Variants in BEND5 observed in about 807,000 individuals in gnomAD.
BEND5 encodes the protein BEN domain-containing protein 5.
In BEND5, 22 loss-of-function variants were observed where a neutral mutation model predicts 43.9. That is an observed-to-expected ratio of 0.50 (90% CI 0.36 to 0.72). The LOEUF is 0.72. Ranked by LOEUF, BEND5 falls within the 30% of genes least tolerant of loss-of-function variation. The pLI is 0.00. For missense variants in BEND5, 428 were observed against 550.6 expected, an observed-to-expected ratio of 0.78 and a Z score of 2.23; for synonymous variants, 228 against 225.9, an observed-to-expected ratio of 1.01 and a Z score of -0.08.
chr1:48,728,008 CCA>C lies in BEND5; in HGVS notation c.1142_1143del (p.Val381GlyfsTer2). 6.2e-7 allele frequency: 1 copy of C among 1,611,866 alleles called. No homozygotes were observed. Among genetic ancestry groups the C allele is most frequent in the African/African-American group, 1.3e-5 (1 of 74,970 alleles). On this transcript the variant is annotated frameshift_variant, in exon 6 of 6. Coordinates refer to ENST00000371833, the MANE Select transcript of BEND5 (RefSeq NM_024603.4). LOFTEE classifies it high-confidence loss of function. ...CLYDRIAQETVDETEIAQRLS... is the reference protein window; with the variant it reads ...CLYDRIAQETXDETEIAQRLS... ...AGTCTCTGTGCAATTTCAGTTTCAT[CCA>C]CAGTTTCTTGTGCTATTCTGTCATA...
At chr1:48,728,566 T>C (rs1192268227) in intron 5 of BEND5, among the ~76,000 whole-genome samples, 1 of 151,930 alleles carries the variant, frequency 6.6e-6, no homozygotes, top group African/African-American at 2.4e-5. Flanking sequence ...TTTTCACTGA[T>C]GAGTAGTGTT....
intron 4 of BEND5, among the ~76,000 whole-genome samples, chr1:48,738,577 C>T (rs1180539614): frequency 2.0e-5 from 3 of 152,224 alleles, no homozygotes; most frequent in Non-Finnish European, 4.4e-5. Context: ...CTTGAAGCCA[C>T]CCACACAAGC....
chr1:48,750,136 T>C (rs1408447694), intron 3 of BEND5, among the ~76,000 whole-genome samples: 1 of 152,196 alleles, frequency 6.6e-6, no homozygotes, highest in Non-Finnish European at 1.5e-5. Flanking sequence ...AGGGACCATA[T>C]GGGATTCATC....
chr1:48,742,494 C>CA (rs1650070418), intron 4 of BEND5, 129 bp downstream of exon 4: 1 of 931,590 alleles, frequency 1.1e-6, no homozygotes, highest in South Asian at 4.3e-5. Flanking sequence ...ATTCCAGAAA[C>CA]AGTCATTCAG....
At chr1:48,769,694 C>A (rs2148687605) in intron 1 of BEND5, among the ~76,000 whole-genome samples, 2 of 152,318 alleles carry the variant, frequency 1.3e-5, no homozygotes, top group Admixed American at 1.3e-4. Flanking sequence ...TATTAGTCCA[C>A]TGTAGTTCCT....
At chr1:48,758,682 C>G (rs927596593) in intron 3 of BEND5, among the ~76,000 whole-genome samples, 1 of 152,180 alleles carries the variant, frequency 6.6e-6, no homozygotes, top group Non-Finnish European at 1.5e-5. Context: ...CCATGTTCGC[C>G]AATGTTCCCA....
At chr1:48,768,204 T>A (rs1391722657) in intron 1 of BEND5, among the ~76,000 whole-genome samples, 1 of 152,168 alleles carries the variant, frequency 6.6e-6, no homozygotes, top group Admixed American at 6.5e-5. Flanking sequence ...TATAACTTCC[T>A]AAAGTGCCTG....
intron 1 of BEND5, among the ~76,000 whole-genome samples, chr1:48,773,078 C>T (rs6664435): frequency 0.69 from 105,378 of 151,956 alleles, 37,025 homozygotes; most frequent in African/African-American, 0.75. Context: ...CATAGGTGCA[C>T]TGGTATATTC....
chr1:48,766,055 A>C (rs1420731826), intron 1 of BEND5, among the ~76,000 whole-genome samples: 1 of 152,184 alleles, frequency 6.6e-6, no homozygotes, highest in Non-Finnish European at 1.5e-5. Flanking sequence ...CACACTTTAA[A>C]ATGGTTAAAA....
At chr1:48,741,231 T>C (rs755242509) in intron 4 of BEND5, among the ~76,000 whole-genome samples, 7 of 152,202 alleles carry the variant, frequency 4.6e-5, no homozygotes, top group Non-Finnish European at 5.9e-5. Context: ...TTATCTTTGA[T>C]TGGGGAAGGT....
intron 5 of BEND5, among the ~76,000 whole-genome samples, chr1:48,735,333 CCT>C (rs1308172949): frequency 6.6e-6 from 1 of 152,002 alleles, no homozygotes; most frequent in Non-Finnish European, 1.5e-5. Flanking sequence ...GTGTCTTACC[CCT>C]CTTTGTGTCT....
chr1:48,758,683 A>C (rs1186404209), intron 3 of BEND5, among the ~76,000 whole-genome samples: 2 of 152,198 alleles, frequency 1.3e-5, no homozygotes, highest in African/African-American at 4.8e-5. Context: ...CATGTTCGCC[A>C]ATGTTCCCAT....
intron 1 of BEND5, among the ~76,000 whole-genome samples, chr1:48,768,238 C>G (rs532568171): frequency 6.6e-6 from 1 of 152,284 alleles, no homozygotes; most frequent in East Asian, 1.9e-4. Flanking sequence ...ATCTTGCCTA[C>G]ACCCTAAGAG....
chr1:48,768,707 T>C (rs901184615), intron 1 of BEND5, among the ~76,000 whole-genome samples: 1 of 152,254 alleles, frequency 6.6e-6, no homozygotes, highest in African/African-American at 2.4e-5. Flanking sequence ...TAATTTGGTA[T>C]GAGTTTGTTA....
intron 5 of BEND5, among the ~76,000 whole-genome samples, chr1:48,730,726 G>T (rs1647981707): frequency 1.3e-5 from 2 of 152,170 alleles, no homozygotes; most frequent in Admixed American, 1.3e-4. Flanking sequence ...ACCTGCAGTT[G>T]CCGGGAATGT....
In BEND5 at chr1:48,759,122, C is replaced by A. The variant is rs1157366743; in HGVS notation, c.523G>T (p.Asp175Tyr). ...PGTEDMDSLE[D>Y]AVVPRALYEE... is the part of the protein sequence containing the mutation. ...TACAGAGCCCGGGGCACCACAGCATCTTCTAGACTGTCCATGTCCTCTGTG... is the reference window on the plus strand; with the variant it reads ...TACAGAGCCCGGGGCACCACAGCATATTCTAGACTGTCCATGTCCTCTGTG... Residue 175 changes from aspartate (D) to tyrosine (Y), a missense_variant, in exon 3 of 6, where the codon GAT (aspartate) becomes TAT (tyrosine). Coordinates refer to ENST00000371833, the MANE Select transcript of BEND5 (RefSeq NM_024603.4). 1 of 1,613,532 alleles carries A rather than the reference C, an allele frequency of 6.2e-7. No homozygotes were observed. Among genetic ancestry groups the A allele is most frequent in the South Asian group, 1.1e-5 (1 of 90,954 alleles).
At chr1:48,735,900 C>T (rs983133812) in intron 5 of BEND5, among the ~76,000 whole-genome samples, 2 of 152,152 alleles carry the variant, frequency 1.3e-5, no homozygotes, top group African/African-American at 4.8e-5. Flanking sequence ...CCGTATTCTT[C>T]AAGGCCCAGT....
Position 48,730,610 on chromosome 1 carries a change from AG to A in BEND5, c.1109-2568del, listed in dbSNP as rs1647953496. Among the ~76,000 whole-genome samples the A allele has an allele frequency of 2.0e-5, 3 of 152,224 alleles. No homozygotes were observed. In the South Asian group the frequency reaches 6.2e-4, roughly 32 times the overall value. ...GCAAATGGAGGAAGGTTTTTGGAGG[AG>A]CCCCCATAGAATTTCAATCATTCTC... is the stretch of plus-strand genomic sequence containing the variant. On this transcript the variant is annotated intron_variant, in intron 5 of 5. Coordinates refer to ENST00000371833, the MANE Select transcript of BEND5 (RefSeq NM_024603.4).
At chr1:48,758,472 C>T (rs773810115) in intron 3 of BEND5, among the ~76,000 whole-genome samples, 1 of 152,204 alleles carries the variant, frequency 6.6e-6, no homozygotes, top group South Asian at 2.1e-4. Context: ...ATTCTCATAT[C>T]ATTTTGTCAG....
Sources: gnomAD v4.1 joint callset for allele counts (sites outside exome capture counted in the v4.1 genomes callset) on GRCh38, gnomAD v4.1.1 for gene constraint, MANE v1.5 for transcripts, NCBI Gene and HGNC (gene_info 2026-07-23, HGNC 2026-07-21) for gene names.